The following PLCB1 variants were observed in gnomAD, a reference collection of about 807,000 sequenced individuals.
The protein encoded by PLCB1 is phospholipase C beta 1.
Under a neutral mutation model 161.8 loss-of-function variants are expected in PLCB1, and 46 were observed. The ratio of observed to expected loss-of-function variants is 0.28; its 90% CI spans 0.22 to 0.36. The LOEUF is 0.36. PLCB1 is among the 10% of genes least tolerant of loss of function. The probability of loss-of-function intolerance (pLI) is 1.00; values close to 1 mark genes in which losing one functional copy is unlikely to be tolerated. For synonymous variants in PLCB1, 517 were observed against 503.7 expected (o/e 1.03, Z -0.35); for missense variants, 1,016 against 1,472.5 (o/e 0.69, Z 5.07).
intron 3 of PLCB1, among the ~76,000 whole-genome samples, chr20:8,429,946 A>C (rs1166964879): frequency 2.0e-5 from 3 of 152,014 alleles, no homozygotes; most frequent in African/African-American, 7.2e-5. Context: ...GAATTCGAAC[A>C]TGGATTCATT....
intron 3 of PLCB1, among the ~76,000 whole-genome samples, chr20:8,588,605 G>A (rs1176537826): frequency 6.6e-6 from 1 of 152,116 alleles, no homozygotes; most frequent in Non-Finnish European, 1.5e-5. Context: ...AGAAACATCT[G>A]AGAAGCATGT....
intron 2 of PLCB1, chr20:8,305,821 A>G (rs1039418935): frequency 6.6e-6 from 1 of 152,178 alleles, no homozygotes; most frequent in Non-Finnish European, 1.5e-5. Context: ...TAGCGACGGA[A>G]TTATGTACTG....
chr20:8,844,530 T>C (rs1475902161), intron 31 of PLCB1, among the ~76,000 whole-genome samples: 1 of 152,002 alleles, frequency 6.6e-6, no homozygotes, highest in Non-Finnish European at 1.5e-5. Flanking sequence ...CATTGAGCTA[T>C]GATTAGGCCA....
At chr20:8,502,586 A>G (rs1983469602) in intron 3 of PLCB1, among the ~76,000 whole-genome samples, 1 of 152,116 alleles carries the variant, frequency 6.6e-6, no homozygotes, top group South Asian at 2.1e-4. Flanking sequence ...TATTCTTTGA[A>G]CAACTGCCTT....
intron 3 of PLCB1, among the ~76,000 whole-genome samples, chr20:8,513,680 C>G (rs533455340): frequency 6.6e-6 from 1 of 152,048 alleles, no homozygotes; most frequent in East Asian, 1.9e-4. Context: ...GACAAACATG[C>G]TTTCAGTGAA....
intron 31 of PLCB1, among the ~76,000 whole-genome samples, chr20:8,802,783 C>T (rs922888886): frequency 1.3e-5 from 2 of 152,176 alleles, no homozygotes; most frequent in Admixed American, 1.3e-4. Context: ...ATGCTTGGGC[C>T]AGGAGCTCTT....
At chr20:8,333,173 G>A (rs1481222215) in intron 2 of PLCB1, among the ~76,000 whole-genome samples, 1 of 152,174 alleles carries the variant, frequency 6.6e-6, no homozygotes, top group Admixed American at 6.5e-5. Context: ...GTCATGTGCT[G>A]AAGATTATGG....
chr20:8,325,956 A>G (rs1322370175), intron 2 of PLCB1, among the ~76,000 whole-genome samples: 3 of 152,218 alleles, frequency 2.0e-5, no homozygotes, highest in African/African-American at 4.8e-5. Flanking sequence ...TGTTGTTTCC[A>G]GGGAACAAAA....
chr20:8,810,726 G>A (rs1022954628), intron 31 of PLCB1, among the ~76,000 whole-genome samples: 14 of 152,312 alleles, frequency 9.2e-5, no homozygotes, highest in Non-Finnish European at 1.8e-4. Flanking sequence ...CACTTTGGGA[G>A]GGCGAGTCAG....
At chr20:8,644,792 C>T (rs1046651097) in intron 4 of PLCB1, among the ~76,000 whole-genome samples, 4 of 152,000 alleles carry the variant, frequency 2.6e-5, no homozygotes, top group African/African-American at 4.8e-5. Context: ...AAGTGAGGGG[C>T]CCCTCTGCTC....
At chr20:8,733,997 G>A (rs1419996526) in intron 19 of PLCB1, among the ~76,000 whole-genome samples, 2 of 148,876 alleles carry the variant, frequency 1.3e-5, no homozygotes, top group African/African-American at 2.4e-5. Context: ...GCGTGGTGGC[G>A]GGCGCCTGTA....
chr20:8,786,638 C>G (rs1983498600), intron 27 of PLCB1, among the ~76,000 whole-genome samples: 1 of 152,046 alleles, frequency 6.6e-6, no homozygotes, highest in Non-Finnish European at 1.5e-5. Flanking sequence ...AATAATAACA[C>G]CAACCGCATA....
chr20:8,802,027 A>C, intron 31 of PLCB1: 1 of 1,296,518 alleles, frequency 7.7e-7, no homozygotes, highest in Non-Finnish European at 1.1e-6. Flanking sequence ...TTGCCACAAA[A>C]ATGACAGCCT....
chr20:8,761,562 A>C (rs1982030327), intron 25 of PLCB1, among the ~76,000 whole-genome samples: 1 of 152,208 alleles, frequency 6.6e-6, no homozygotes. Flanking sequence ...TCTGCCACCC[A>C]GGCTGGAACA....
chr20:8,427,634 T>C (rs1979844825), intron 3 of PLCB1, among the ~76,000 whole-genome samples: 1 of 152,178 alleles, frequency 6.6e-6, no homozygotes. Context: ...TCCATCTCCC[T>C]GAAGGAGTTC....
At chr20:8,600,467 C>A (rs1201438721) in intron 3 of PLCB1, among the ~76,000 whole-genome samples, 1 of 149,874 alleles carries the variant, frequency 6.7e-6, no homozygotes, top group Admixed American at 6.6e-5. Context: ...TCTCAGATCT[C>A]CAGCTGCGTG....
At chr20:8,520,326 A>G (rs904241986) in intron 3 of PLCB1, among the ~76,000 whole-genome samples, 3 of 152,202 alleles carry the variant, frequency 2.0e-5, no homozygotes, top group Non-Finnish European at 1.5e-5. Flanking sequence ...TAATAGACAT[A>G]TTATATTTGT....
intron 2 of PLCB1, among the ~76,000 whole-genome samples, chr20:8,277,335 TA>T (rs1363960462): frequency 1.3e-5 from 2 of 152,136 alleles, no homozygotes; most frequent in Non-Finnish European, 2.9e-5. Flanking sequence ...AAGTCTGGAT[TA>T]TTTTAAATGA....
chr20:8,456,445 T>G lies in PLCB1; in HGVS notation c.246+84995T>G, dbSNP rs185599097. On this transcript the variant is annotated intron_variant, in intron 3 of 31. Transcript: ENST00000338037. ...TAGTTTGTTTAGTAGCACTGGTTTT[T>G]GGGAATTTTTTTTCTTTTTTGTCTT... Among the ~76,000 whole-genome samples the G allele has an allele frequency of 4.1e-3, 629 of 152,338 alleles. 5 individuals carry two copies. Among genetic ancestry groups the G allele is most frequent in the Admixed American group, 9.5e-3 (145 of 15,310 alleles).
Sources: allele counts gnomAD v4.1 joint callset (sites outside exome capture counted in the v4.1 genomes callset), GRCh38; gene constraint gnomAD v4.1.1; transcripts MANE v1.5; gene names NCBI Gene and HGNC (gene_info 2026-07-23, HGNC 2026-07-21).